Variants in NOL4L observed in about 807,000 individuals in gnomAD.
NOL4L encodes nucleolar protein 4 like, also known as nucleolar protein 4-like.
Under a neutral mutation model 64.5 loss-of-function variants are expected in NOL4L, and 7 were observed. The ratio of observed to expected loss-of-function variants is 0.11; its 90% CI spans 0.06 to 0.20. The LOEUF (loss-of-function observed/expected upper bound fraction) is 0.20, where lower values mean the gene tolerates loss of function less well. Ranked by LOEUF, NOL4L falls within the 10% of genes least tolerant of loss-of-function variation. The pLI is 1.00. For synonymous variants in NOL4L, 413 were observed against 401.0 expected (o/e 1.03, Z -0.36); for missense variants, 680 against 967.1 (o/e 0.70, Z 3.94).
Position 32,453,829 on chromosome 20 carries a change from A to G in NOL4L, c.1120-68T>C, listed in dbSNP as rs2013191216. The G allele has an allele frequency of 1.4e-6, 2 of 1,469,924 alleles. No individual in the cohort carries two copies. The highest frequency in any genetic ancestry group is 4.0e-5 in the Admixed American group (2 of 49,600). The allele number at this position is 1,469,924 out of a possible 1,614,324, so 91.1% of individuals were successfully genotyped here. On this transcript the variant is annotated intron_variant, in intron 6 of 10. Coordinates refer to ENST00000621426, the MANE Select transcript of NOL4L (RefSeq NM_001256798.2). This position sits in a 1 kb window ranked among gnomAD's most constrained non-coding sequence, Gnocchi z 5.6. The stretch of plus-strand genomic sequence containing the variant: ...CTCAAGCCCTTGCTGGGTCTCCTAC[A>G]GGCGGTGAGCTTGGGGACCAGGGTG...
rs1233517714 is a variant in NOL4L at position 32,452,322 on chromosome 20, C to A, written c.1736G>T (p.Gly579Val). Residue 579 changes from glycine (G) to valine (V), a missense_variant, in exon 10 of 11, where the codon GGC becomes GTC. Gly to Val is a moderately radical substitution (Grantham distance 109). Around this residue, in one of 4 missense-constraint regions of NOL4L, gnomAD observed 175 missense variants for 227.0 expected, o/e 0.77. Transcript: ENST00000621426. ...GTACCCGCGGTAACTGTAGTTGAGG[C>A]CGCCGTTGGCGTACACAGGGTCCTG... Reference protein sequence around the residue: ...YSQDPVYANGGLNYSYRGYGA... With the variant: ...YSQDPVYANGVLNYSYRGYGA... 4 of 1,609,094 alleles carry A rather than the reference C, an allele frequency of 2.5e-6. No homozygotes were observed. The highest frequency in any genetic ancestry group is 3.4e-6 in the Non-Finnish European group (4 of 1,177,276).
chr20:32,474,471 G>T, intron 5 of NOL4L, 130 bp downstream of exon 5: 1 of 1,147,660 alleles, frequency 8.7e-7, no homozygotes, highest in Non-Finnish European at 1.2e-6. Context: ...GCAAGCTTGG[G>T]CCTGAGCCAC....
rs547209699 is a variant in NOL4L, at chr20:32,526,392, C to T, written c.477+1366G>A. 6.6e-5 allele frequency among the ~76,000 whole-genome samples: 10 copies of T among 152,082 alleles called. No homozygotes were observed. The South Asian group carries it at 2.1e-3, about 32-fold the overall frequency. On this transcript the variant is annotated intron_variant, in intron 2 of 10. Transcript: ENST00000621426. ...GAGACCATCACCATCTCCTGCCTTC[C>T]TGGGCAGACACCTTGCCTCTCTGAG...
intron 5 of NOL4L, 59 bp from the exon 6 acceptor site, chr20:32,456,454 C>T: frequency 7.1e-7 from 1 of 1,400,010 alleles, no homozygotes; most frequent in Non-Finnish European, 9.3e-7. Context: ...ACTGCAGCCA[C>T]CTCGGAGTAT....
Position 32,447,497 on chromosome 20 carries a change from C to T in NOL4L, c.*99G>A, listed in dbSNP as rs1014904798. On this transcript the variant is annotated 3_prime_UTR_variant, in exon 11 of 11. Transcript: ENST00000621426. ...GAAACAGCTCTTTTGGATCCCACCTCTTTCAAAAACAAAATGTACCAACTG... is the reference window on the plus strand; with the variant it reads ...GAAACAGCTCTTTTGGATCCCACCTTTTTCAAAAACAAAATGTACCAACTG... 152 of 1,476,230 alleles carry T rather than the reference C, an allele frequency of 1.0e-4. No homozygotes were observed. The highest frequency in any genetic ancestry group is 1.2e-5 in the Non-Finnish European group (13 of 1,118,342). The allele number at this position is 1,476,230 out of a possible 1,614,324, so 91.4% of individuals were successfully genotyped here.
At position 32,511,971 on chromosome 20, in the gene NOL4L, C is replaced by A. The variant is rs1302432635; in HGVS notation, c.590-515G>T. 2.0e-5 allele frequency among the ~76,000 whole-genome samples: 3 copies of A among 152,258 alleles called. No individual in the cohort carries two copies. In the East Asian group the frequency reaches 5.8e-4, roughly 29 times the overall value. On this transcript the variant is annotated intron_variant, in intron 3 of 10. Coordinates refer to ENST00000621426, the MANE Select transcript of NOL4L (RefSeq NM_001256798.2). ...CAGTCTGCAGTGAGCTGTGATGGCA[C>A]CACTGCACTCCAGCCTCAGCAACAG...
chr20:32,447,829 AAGT>A lies in NOL4L; in HGVS notation c.1823-16_1823-14del, dbSNP rs1336974414. ...AGGTCCGTGGGCCCTGTGGAGAGGGAAGTAGGGTGAGAAGGGAGCAGCCACCCT... is the reference window on the plus strand; with the variant it reads ...AGGTCCGTGGGCCCTGTGGAGAGGGAAGGGTGAGAAGGGAGCAGCCACCCT... On this transcript the variant is annotated splice_polypyrimidine_tract_variant and intron_variant, in intron 10 of 10. Transcript: ENST00000621426. 3 of 1,533,166 alleles carry A rather than the reference AAGT, an allele frequency of 2.0e-6. No individual in the cohort carries two copies. Among genetic ancestry groups the A allele is most frequent in the Non-Finnish European group, 2.6e-6 (3 of 1,138,912 alleles). 95.0% of individuals were successfully genotyped at this position (1,533,166 alleles called of 1,614,324 possible).
At chr20:32,456,416 G>C in intron 5 of NOL4L, 21 bp from the exon 6 acceptor site, 1 of 1,451,286 alleles carries the variant, frequency 6.9e-7, no homozygotes, top group Non-Finnish European at 9.1e-7. Flanking sequence ...AGGCCTGGGT[G>C]TGAGGCCCCA....
chr20:32,471,140 G>A (rs567025240), intron 5 of NOL4L, among the ~76,000 whole-genome samples: 2 of 152,290 alleles, frequency 1.3e-5, no homozygotes, highest in South Asian at 2.1e-4. Context: ...CACTCACCCC[G>A]GTAGAACCTC....
intron 2 of NOL4L, among the ~76,000 whole-genome samples, chr20:32,527,542 G>A (rs2018177134): frequency 6.6e-6 from 1 of 151,978 alleles, no homozygotes; most frequent in Non-Finnish European, 1.5e-5. Flanking sequence ...CCTTCAACCT[G>A]CTTTTCCTTT....
chr20:32,581,120 C>T (rs1427030653), intron 1 of NOL4L, among the ~76,000 whole-genome samples: 1 of 152,168 alleles, frequency 6.6e-6, no homozygotes, highest in Non-Finnish European at 1.5e-5. Flanking sequence ...GAGATCTTAT[C>T]CCCACCAGCA....
intron 4 of NOL4L, among the ~76,000 whole-genome samples, chr20:32,508,415 G>A (rs1366454892): frequency 3.3e-5 from 5 of 152,186 alleles, no homozygotes; most frequent in East Asian, 3.8e-4. Context: ...TTCATCTTGC[G>A]CCACGTGCCC....
chr20:32,519,585 T>A (rs1329869563), intron 3 of NOL4L: 1 of 152,188 alleles, frequency 6.6e-6, no homozygotes, highest in Non-Finnish European at 1.5e-5. Flanking sequence ...CAGGGCAGCA[T>A]TATAATTGTA....
intron 5 of NOL4L, among the ~76,000 whole-genome samples, chr20:32,466,918 C>T (rs903735332): frequency 2.6e-5 from 4 of 152,124 alleles, no homozygotes; most frequent in African/African-American, 7.2e-5. Flanking sequence ...AGCAGCAGGC[C>T]GGAGTTCTGT....
chr20:32,581,229 C>A (rs2145628021), intron 1 of NOL4L, among the ~76,000 whole-genome samples: 1 of 152,282 alleles, frequency 6.6e-6, no homozygotes, highest in East Asian at 1.9e-4. Context: ...GCCAACTTGC[C>A]TCTCCCCCAC....
intron 3 of NOL4L, among the ~76,000 whole-genome samples, chr20:32,517,689 G>GTC (rs1381739708): frequency 6.6e-6 from 1 of 152,232 alleles, no homozygotes; most frequent in Non-Finnish European, 1.5e-5. Context: ...CAGACCTTGT[G>GTC]TCTCTGTTGG....
At chr20:32,534,836 C>T (rs4911238) in intron 1 of NOL4L, among the ~76,000 whole-genome samples, 37,971 of 149,140 alleles carry the variant, frequency 0.25, 6,150 homozygotes, top group East Asian at 0.77. Flanking sequence ...GAGTCATGAC[C>T]GTACCACTAA....
intron 10 of NOL4L, among the ~76,000 whole-genome samples, chr20:32,448,314 G>C (rs1042949248): frequency 2.0e-5 from 3 of 152,166 alleles, no homozygotes; most frequent in Non-Finnish European, 2.9e-5. Context: ...TGAGAGATGC[G>C]TGTGGGGAAA....
At chr20:32,510,162 G>A (rs1436269304) in intron 4 of NOL4L, 1 of 368,394 alleles carries the variant, frequency 2.7e-6, no homozygotes, top group Non-Finnish European at 5.4e-6. Context: ...AGTTTTTGGA[G>A]ATGCAACCAT....
Sources: allele counts gnomAD v4.1 joint callset (sites outside exome capture counted in the v4.1 genomes callset), GRCh38; gene constraint gnomAD v4.1.1; regional missense constraint gnomAD v4.1.1; non-coding constraint Gnocchi (gnomAD v3.1); transcripts MANE v1.5; gene names NCBI Gene and HGNC (gene_info 2026-07-23, HGNC 2026-07-21).